The following CETP variants were observed in gnomAD, a reference collection of about 807,000 sequenced individuals.
CETP encodes cholesteryl ester transfer protein.
A neutral mutation model predicts 66.5 loss-of-function variants in CETP; 56 were observed. That is an observed-to-expected ratio of 0.84 (90% CI 0.68 to 1.05). CETP has a LOEUF of 1.05. Among genes scored for constraint, CETP ranks in the 50% least tolerant of loss-of-function variants. CETP has a pLI of 0.00. For synonymous variants in CETP, 251 were observed against 245.7 expected (o/e 1.02, Z -0.20); for missense variants, 612 against 609.6 (o/e 1.00, Z -0.04).
At chr16:56,970,627 TA>T (rs1159695720) in intron 5 of CETP, among the ~76,000 whole-genome samples, 58 of 152,294 alleles carry the variant, frequency 3.8e-4, no homozygotes, top group African/African-American at 1.3e-3. Context: ...CAGAGGAAGA[TA>T]ACAAGGTTTG....
chr16:56,971,016 G>T lies in CETP; in HGVS notation c.528-17G>T. 1 of 1,613,940 alleles carries T rather than the reference G, an allele frequency of 6.2e-7. No homozygotes were observed. The highest frequency in any genetic ancestry group is 1.3e-5 in the African/African-American group (1 of 75,066). ...CAGGACTGGTCAGGGGCTCATTGTG[G>T]TGCTTGCTGCCTTCAGGCCTGGGTG... On this transcript the variant is annotated splice_polypyrimidine_tract_variant and intron_variant, in intron 5 of 15. Transcript: ENST00000200676.
Position 56,978,535 on chromosome 16 carries a change from C to T in CETP, c.1146+280C>T, listed in dbSNP as rs1178547287. Among the ~76,000 whole-genome samples, 6 of 152,172 alleles carry T rather than the reference C, an allele frequency of 3.9e-5. No individual in the cohort carries two copies. The South Asian group carries it at 6.2e-4, about 16-fold the overall frequency. On this transcript the variant is annotated intron_variant, in intron 11 of 15. Coordinates refer to ENST00000200676, the MANE Select transcript of CETP (RefSeq NM_000078.3). ...TCACTCTGTCATCCAGGCTGGAGTG[C>T]AGCCTCACACTCATAGCTCACTGCA... is the stretch of plus-strand genomic sequence containing the variant.
chr16:56,977,729 C>T (rs1597004902), intron 10 of CETP, among the ~76,000 whole-genome samples: 1 of 151,692 alleles, frequency 6.6e-6, no homozygotes, highest in African/African-American at 2.4e-5. Context: ...GTTCTAAGCT[C>T]TTTCCACAGA....
At chr16:56,975,205 C>G in intron 10 of CETP, 54 bp downstream of exon 10, 5 of 1,547,308 alleles carry the variant, frequency 3.2e-6, no homozygotes, top group Non-Finnish European at 4.5e-6. Flanking sequence ...CAATCCTGCT[C>G]TGGCTTCAAG....
chr16:56,966,034 C>T (rs1470477130), intron 2 of CETP, among the ~76,000 whole-genome samples: 5 of 152,172 alleles, frequency 3.3e-5, no homozygotes, highest in African/African-American at 1.2e-4. Context: ...GTCACCTCCT[C>T]CCAGAAGCCC....
At chr16:56,969,337 G>C in intron 2 of CETP, 49 bp from the exon 3 acceptor site, 1 of 1,612,142 alleles carries the variant, frequency 6.2e-7, no homozygotes, top group Non-Finnish European at 8.5e-7. Flanking sequence ...CACTCCTTGG[G>C]CTCCCTGGAT....
chr16:56,968,820 T>TTG (rs2056087001), intron 2 of CETP, among the ~76,000 whole-genome samples: 4 of 150,920 alleles, frequency 2.7e-5, no homozygotes, highest in Non-Finnish European at 5.9e-5. Context: ...GATTGTTGTT[T>TTG]TTGTTCTATT....
chr16:56,970,143 C>T (rs1204886960), intron 5 of CETP, 142 bp downstream of exon 5: 9 of 733,550 alleles, frequency 1.2e-5, no homozygotes, highest in Non-Finnish European at 2.2e-5. Flanking sequence ...AGTGGGGTCA[C>T]TTCCTACCCC....
intron 2 of CETP, among the ~76,000 whole-genome samples, chr16:56,965,679 T>C (rs1230277890): frequency 2.0e-5 from 3 of 152,178 alleles, no homozygotes; most frequent in Non-Finnish European, 4.4e-5. Context: ...ATGTGTTTGG[T>C]ACGTGATGGC....
intron 11 of CETP, among the ~76,000 whole-genome samples, chr16:56,978,634 C>T (rs17231834): frequency 4.5e-4 from 69 of 151,842 alleles, no homozygotes; most frequent in African/African-American, 1.6e-3. Flanking sequence ...ACAAACACCA[C>T]CACACCTGGC....
chr16:56,977,428 C>A (rs2056157587), intron 10 of CETP, among the ~76,000 whole-genome samples: 1 of 152,106 alleles, frequency 6.6e-6, no homozygotes, highest in Non-Finnish European at 1.5e-5. Context: ...CACACTGTCC[C>A]CTCTGCCAGA....
In CETP at chr16:56,966,680, A is replaced by G. The variant is rs756607712; in HGVS notation, c.234-2706A>G. On this transcript the variant is annotated intron_variant, in intron 2 of 15. Transcript: ENST00000200676. ...AATGGCACGATCTCGACTCACTGCA[A>G]CTTCTGCCTCCTGGGTTCAAGCGAT... 1.7e-4 allele frequency among the ~76,000 whole-genome samples: 26 copies of G among 151,346 alleles called. 1 individual carries two copies. The highest frequency in any genetic ancestry group is 3.2e-4 in the Non-Finnish European group (22 of 67,894).
At chr16:56,969,864 A>G (rs779450905) in intron 4 of CETP, 50 bp from the exon 5 acceptor site, 7 of 1,591,506 alleles carry the variant, frequency 4.4e-6, no homozygotes, top group Non-Finnish European at 6.0e-6. Context: ...GCATGTGGAT[A>G]CCATCTGATA....
At chr16:56,962,201 C>T in intron 1 of CETP, 104 bp downstream of exon 1, 2 of 964,450 alleles carry the variant, frequency 2.1e-6, no homozygotes, top group South Asian at 2.6e-5. Context: ...CCGGCTGCCA[C>T]ACTAGCCCAG....
rs574035014 is a variant in CETP at position 56,962,047 on chromosome 16, C to T, written c.68C>T (p.Ser23Leu). 16 of 1,614,146 alleles carry T rather than the reference C, an allele frequency of 9.9e-6. No individual in the cohort carries two copies. The highest frequency in any genetic ancestry group is 4.5e-5 in the East Asian group (2 of 44,886). The change falls in exon 1 of 16, where the codon TCG becomes TTG. Residue 23 changes from serine (S) to leucine (L), a missense_variant. By Grantham distance (145) the Ser-to-Leu change is moderately radical. Coordinates refer to ENST00000200676, the MANE Select transcript of CETP (RefSeq NM_000078.3). ...GCCCATGCCTGCTCCAAAGGCACCT[C>T]GCACGAGGCAGGCATCGTGTGCCGC... ...GNAHACSKGT[S>L]HEAGIVCRIT...
Position 56,971,311 on chromosome 16 carries a change from T to G in CETP, c.598-10T>G. 1 of 1,613,940 alleles carries G rather than the reference T, an allele frequency of 6.2e-7. No homozygotes were observed. The highest frequency in any genetic ancestry group is 8.5e-7 in the Non-Finnish European group (1 of 1,180,016). ...TCCTGCCTGGAAAGCACCTGCTCTG[T>G]CTGCCCCAGATCTGCAAAGAGATCA... On this transcript the variant is annotated splice_polypyrimidine_tract_variant and intron_variant, in intron 6 of 15. Coordinates refer to ENST00000200676, the MANE Select transcript of CETP (RefSeq NM_000078.3).
chr16:56,969,615 G>A lies in CETP; in HGVS notation c.373G>A (p.Gly125Ser), dbSNP rs950056892. 3 of 1,614,186 alleles carry A rather than the reference G, an allele frequency of 1.9e-6. No homozygotes were observed. The highest frequency in any genetic ancestry group is 2.5e-6 in the Non-Finnish European group (3 of 1,180,036). Residue 125 changes from glycine to serine, a missense_variant, in exon 4 of 16, where the codon GGT becomes AGT. Coordinates refer to ENST00000200676, the MANE Select transcript of CETP (RefSeq NM_000078.3). ...TGGGTCCTTGGCTCTTTCCAGGCTG[G>A]GTATTGATCAGTCCATTGACTTCGA... ...KYGYTTAWWL[G>S]IDQSIDFEID...
rs2056092979 is a variant in CETP, at chr16:56,969,533, G to A, written c.368+13G>A. ...CCACTGCCTGGTGGTAAGCATTCCT[G>A]TCAGCTGATGCCCCATGCCCTGGCC... On this transcript the variant is annotated intron_variant, in intron 3 of 15. Coordinates refer to ENST00000200676, the MANE Select transcript of CETP (RefSeq NM_000078.3). 2 of 1,614,246 alleles carry A rather than the reference G, an allele frequency of 1.2e-6. No individual in the cohort carries two copies. The highest frequency in any genetic ancestry group is 1.7e-5 in the Admixed American group (1 of 60,024).
At chr16:56,977,581 G>A (rs571753185) in intron 10 of CETP, among the ~76,000 whole-genome samples, 68 of 152,230 alleles carry the variant, frequency 4.5e-4, no homozygotes, top group African/African-American at 1.5e-3. Flanking sequence ...GCAGTTTTAC[G>A]TTCTGTTCTG....
Sources: gnomAD v4.1 joint callset for allele counts (sites outside exome capture counted in the v4.1 genomes callset) on GRCh38, gnomAD v4.1.1 for gene constraint, MANE v1.5 for transcripts, NCBI Gene and HGNC (gene_info 2026-07-23, HGNC 2026-07-21) for gene names.